ACTN4: variants seen among roughly 807,000 people sequenced by gnomAD.
ACTN4 encodes alpha-actinin-4.
Under a neutral mutation model 114.2 loss-of-function variants are expected in ACTN4, and 18 were observed. The ratio of observed to expected loss-of-function variants is 0.16; its 90% CI spans 0.11 to 0.23. ACTN4 has a LOEUF of 0.23. Among genes scored for constraint, ACTN4 ranks in the 10% least tolerant of loss-of-function variants. The pLI, the probability that ACTN4 is intolerant of heterozygous loss-of-function variation, is 1.00. For missense variants in ACTN4, 722 were observed against 1,262.9 expected, an observed-to-expected ratio of 0.57 and a Z score of 6.49; for synonymous variants, 515 against 506.3, an observed-to-expected ratio of 1.02 and a Z score of -0.23.
chr19:38,703,696 G>A (rs1165296604), intron 3 of ACTN4, among the ~76,000 whole-genome samples: 1 of 152,124 alleles, frequency 6.6e-6, no homozygotes, highest in African/African-American at 2.4e-5. Flanking sequence ...CCCTCACGAG[G>A]GCAGGCAGAC....
intron 1 of ACTN4, among the ~76,000 whole-genome samples, chr19:38,659,151 C>T (rs144142567): frequency 2.3e-4 from 33 of 142,138 alleles, no homozygotes; most frequent in African/African-American, 7.7e-4. Flanking sequence ...ACCTCCGCAT[C>T]CTGGGTTCAA....
At chr19:38,665,037 C>G (rs1966911806) in intron 1 of ACTN4, among the ~76,000 whole-genome samples, 1 of 152,140 alleles carries the variant, frequency 6.6e-6, no homozygotes, top group South Asian at 2.1e-4. Flanking sequence ...GGAGGCAGCT[C>G]AGATGTCACT....
chr19:38,721,113 G>A (rs376749351), intron 11 of ACTN4, among the ~76,000 whole-genome samples: 3 of 152,218 alleles, frequency 2.0e-5, no homozygotes, highest in East Asian at 3.9e-4. Context: ...CCTAGAAGAA[G>A]CTGGCTCTGA....
intron 1 of ACTN4, among the ~76,000 whole-genome samples, chr19:38,656,372 G>A (rs1321038950): frequency 6.6e-6 from 1 of 152,100 alleles, no homozygotes; most frequent in Admixed American, 6.6e-5. Context: ...GAGTCACCAC[G>A]CCCAGCCAAC....
intron 1 of ACTN4, among the ~76,000 whole-genome samples, chr19:38,700,117 T>C (rs1454829585): frequency 6.6e-6 from 1 of 152,118 alleles, no homozygotes; most frequent in Non-Finnish European, 1.5e-5. Context: ...AGCTGGCAGA[T>C]GAAGGGCTGG....
intron 9 of ACTN4, among the ~76,000 whole-genome samples, chr19:38,715,474 C>G (rs1242059748): frequency 2.0e-5 from 3 of 151,874 alleles, no homozygotes; most frequent in Non-Finnish European, 4.4e-5. Context: ...TCTAGCCTAG[C>G]GACAGAGCAA....
chr19:38,690,138 G>A (rs1027509553), intron 1 of ACTN4, among the ~76,000 whole-genome samples: 4 of 152,206 alleles, frequency 2.6e-5, no homozygotes, highest in South Asian at 2.1e-4. Flanking sequence ...CATTTGAGGC[G>A]GGAGTGGGCC....
At chr19:38,698,162 GCTGGGAGGCA>G (rs1968153885) in intron 1 of ACTN4, among the ~76,000 whole-genome samples, 1 of 152,118 alleles carries the variant, frequency 6.6e-6, no homozygotes. Flanking sequence ...GGGAGGAGAT[GCTGGGAGGCA>G]CAGGGCCATC....
intron 1 of ACTN4, among the ~76,000 whole-genome samples, chr19:38,655,761 A>G (rs1018472475): frequency 1.3e-5 from 2 of 152,244 alleles, no homozygotes; most frequent in Admixed American, 1.3e-4. Context: ...GAACCCCCTT[A>G]TATACCAAAA....
Position 38,647,665 on chromosome 19 carries a change from C to A in ACTN4, c.-81C>A, listed in dbSNP as rs578017396. On this transcript the variant is annotated 5_prime_UTR_variant, in exon 1 of 21. Transcript: ENST00000252699. Reference sequence around the variant, plus strand: ...GGGCGGGCTGAAGCAGCTGAAGCGGCGGTAGCGGCGGCGGCTCGGGCAGAG... The same window carrying A: ...GGGCGGGCTGAAGCAGCTGAAGCGGAGGTAGCGGCGGCGGCTCGGGCAGAG... 3 of 1,470,210 alleles carry A rather than the reference C, an allele frequency of 2.0e-6. No homozygotes were observed. Among genetic ancestry groups the A allele is most frequent in the Admixed American group, 2.3e-5 (1 of 42,646 alleles). The allele number at this position is 1,470,210 out of a possible 1,614,324, so 91.1% of individuals were successfully genotyped here.
At chr19:38,680,846 C>T (rs1967544085) in intron 1 of ACTN4, among the ~76,000 whole-genome samples, 1 of 152,084 alleles carries the variant, frequency 6.6e-6, no homozygotes, top group African/African-American at 2.4e-5. Flanking sequence ...AGAGTCTTGG[C>T]CGGGTGCGGT....
chr19:38,686,965 CTTT>C (rs34122839), intron 1 of ACTN4, among the ~76,000 whole-genome samples: 8 of 138,082 alleles, frequency 5.8e-5, no homozygotes, highest in Admixed American at 1.4e-4. Context: ...GGCAGAGTCT[CTTT>C]TTTTTTTTTT....
intron 1 of ACTN4, 125 bp downstream of exon 1, chr19:38,648,032 G>A: frequency 8.4e-7 from 1 of 1,189,910 alleles, no homozygotes; most frequent in African/African-American, 1.6e-5. Context: ...AGAAGGAATT[G>A]GCGGGTCCGG....
intron 8 of ACTN4, 55 bp downstream of exon 8, chr19:38,710,397 T>C (rs779201765): frequency 1.5e-5 from 24 of 1,567,596 alleles, no homozygotes; most frequent in Non-Finnish European, 2.1e-5. Context: ...ATGCCGCCGC[T>C]GCCTCTCGCC....
intron 1 of ACTN4, among the ~76,000 whole-genome samples, chr19:38,684,729 C>T (rs139657517): frequency 6.6e-6 from 1 of 152,234 alleles, no homozygotes; most frequent in Non-Finnish European, 1.5e-5. Flanking sequence ...TACTCTTTGG[C>T]TATAGAATCC....
chr19:38,679,626 C>T (rs540257107), intron 1 of ACTN4, among the ~76,000 whole-genome samples: 18 of 148,992 alleles, frequency 1.2e-4, no homozygotes, highest in Admixed American at 1.0e-3. Flanking sequence ...GGGTCTCGCC[C>T]TGTCACCCAG....
At chr19:38,663,185 A>G (rs1365611647) in intron 1 of ACTN4, among the ~76,000 whole-genome samples, 5 of 152,130 alleles carry the variant, frequency 3.3e-5, no homozygotes, top group Admixed American at 2.6e-4. Flanking sequence ...TGCTGGGATT[A>G]CGGGTGTGAG....
chr19:38,685,803 C>T (rs1387940657), intron 1 of ACTN4, among the ~76,000 whole-genome samples: 1 of 152,006 alleles, frequency 6.6e-6, no homozygotes, highest in African/African-American at 2.4e-5. Flanking sequence ...CCTGACTTGG[C>T]CGGGTGGACT....
At chr19:38,679,289 G>A (rs1967473733) in intron 1 of ACTN4, among the ~76,000 whole-genome samples, 1 of 152,186 alleles carries the variant, frequency 6.6e-6, no homozygotes. Flanking sequence ...GAGGGCATCT[G>A]CGCATCACTT....
Sources: gnomAD v4.1 joint callset for allele counts (sites outside exome capture counted in the v4.1 genomes callset) on GRCh38, gnomAD v4.1.1 for gene constraint, MANE v1.5 for transcripts, NCBI Gene and HGNC (gene_info 2026-07-23, HGNC 2026-07-21) for gene names.